Variants in RPS15 observed in about 807,000 individuals in gnomAD.
RPS15 encodes the protein ribosomal protein S15, also known as small ribosomal subunit protein uS19.
A neutral mutation model predicts 14.9 loss-of-function variants in RPS15; 5 were observed. That is an observed-to-expected ratio of 0.34 (90% CI 0.18 to 0.70). The LOEUF is 0.70. Among genes scored for constraint, RPS15 ranks in the 30% least tolerant of loss-of-function variants. The pLI is 0.65. For synonymous variants in RPS15, 103 were observed against 85.0 expected, an observed-to-expected ratio of 1.21 and a Z score of -1.16; for missense variants, 102 against 204.2, an observed-to-expected ratio of 0.50 and a Z score of 3.05.
chr19:1,439,135 C>A (rs2144988670), intron 2 of RPS15: 4 of 519,656 alleles, frequency 7.7e-6, no homozygotes, highest in South Asian at 7.3e-5. Context: ...AGGTGTAGCC[C>A]CTGTCTGTAG....
In RPS15 at chr19:1,438,515, C is replaced by T. The variant is rs2083626200; in HGVS notation, c.3+87C>T. The stretch of plus-strand genomic sequence containing the variant: ...GTCTCGCGGGGGCCGCAGTTCGTCC[C>T]CGCGGCTACGGCGGCTTGCTCCCGA... On this transcript the variant is annotated intron_variant, in intron 1 of 3. Coordinates refer to ENST00000592588, the MANE Select transcript of RPS15 (RefSeq NM_001018.5). This position sits in a 1 kb window ranked among gnomAD's most constrained non-coding sequence, Gnocchi z 4.8. 2 of 1,608,050 alleles carry T rather than the reference C, an allele frequency of 1.2e-6. No individual in the cohort carries two copies. Among genetic ancestry groups the T allele is most frequent in the African/African-American group, 1.3e-5 (1 of 74,856 alleles).
chr19:1,440,108 T>A lies in RPS15; in HGVS notation c.179T>A (p.Leu60Gln), dbSNP rs2083641757. 6.3e-7 allele frequency: 1 copy of A among 1,596,850 alleles called. No homozygotes were observed. Among genetic ancestry groups the A allele is most frequent in the Admixed American group, 1.8e-5 (1 of 56,274 alleles). The change falls in exon 3 of 4, where the codon CTG becomes CAG. Residue 60 changes from leucine to glutamine, a missense_variant. Leu to Gln is a moderately radical substitution (Grantham distance 113). Transcript: ENST00000592588. ...AAGCAGCACTCCCTGCTGAAGCGCC[T>A]GCGCAAGGCCAAGAAGGAGGCGCCG... Reference protein sequence around the residue: ...RRKQHSLLKRLRKAKKEAPPM... With the variant: ...RRKQHSLLKRQRKAKKEAPPM...
rs779182460 is a variant in RPS15, at chr19:1,438,420, G to A, written c.-6G>A. Reference sequence around the variant, plus strand: ...CCAAAGCGATCTCTTCTGAGGATCCGGCAAGATGGTGAGTGTTGCGATTTG... The same window carrying A: ...CCAAAGCGATCTCTTCTGAGGATCCAGCAAGATGGTGAGTGTTGCGATTTG... On this transcript the variant is annotated 5_prime_UTR_variant, in exon 1 of 4. Transcript: ENST00000592588. This position sits in a 1 kb window ranked among gnomAD's most constrained non-coding sequence, Gnocchi z 4.8. The A allele has an allele frequency of 6.2e-7, 1 of 1,613,468 alleles. No homozygotes were observed. Among genetic ancestry groups the A allele is most frequent in the Non-Finnish European group, 8.5e-7 (1 of 1,179,898 alleles).
chr19:1,439,309 C>T (rs752740518), intron 2 of RPS15: 20 of 188,112 alleles, frequency 1.1e-4, no homozygotes, highest in Non-Finnish European at 7.7e-5. Context: ...GTCGCCCAGG[C>T]TGGAGTGCAA....
intron 2 of RPS15, chr19:1,439,582 A>T (rs2083636554): frequency 5.5e-6 from 2 of 365,808 alleles, no homozygotes; most frequent in Non-Finnish European, 1.0e-5. Flanking sequence ...ATTTGTGGAA[A>T]CAGCGTTTCT....
intron 2 of RPS15, chr19:1,439,242 T>G (rs1433631116): frequency 7.0e-6 from 2 of 286,050 alleles, no homozygotes; most frequent in Non-Finnish European, 1.3e-5. Context: ...GTGGTGGGCA[T>G]CTGGCTTGCG....
At position 1,440,387 on chromosome 19, in the gene RPS15, C is replaced by A; in HGVS notation, c.363C>A (p.Ile121=). 1 of 1,614,038 alleles carries A rather than the reference C, an allele frequency of 6.2e-7. No homozygotes were observed. Among genetic ancestry groups the A allele is most frequent in the South Asian group, 1.1e-5 (1 of 91,086 alleles). ...GCCACTACCTGGGCGAGTTCTCCAT[C>A]ACCTACAAGCCCGTAAAGCATGGCC... The part of the protein sequence containing the change: ...MIGHYLGEFS[I]TYKPVKHGRP... The change falls in exon 4 of 4, where the codon ATC becomes ATA. Residue 121 remains isoleucine, a synonymous_variant. Coordinates refer to ENST00000592588, the MANE Select transcript of RPS15 (RefSeq NM_001018.5).
At chr19:1,439,724 G>C (rs1282120892) in intron 2 of RPS15, 3 of 594,442 alleles carry the variant, frequency 5.0e-6, no homozygotes, top group Non-Finnish European at 9.0e-6. Flanking sequence ...AGAGGCCTTT[G>C]GCCCGAGCTG....
intron 2 of RPS15, 183 bp downstream of exon 2, chr19:1,439,075 C>T (rs78277163): frequency 1.4e-5 from 8 of 573,156 alleles, no homozygotes; most frequent in African/African-American, 4.0e-5. Context: ...GAGGTTTTTG[C>T]TTATTTGCAA....
Position 1,438,418 on chromosome 19 carries a change from C to G in RPS15, c.-8C>G, listed in dbSNP as rs1390753435. ...GACCAAAGCGATCTCTTCTGAGGAT[C>G]CGGCAAGATGGTGAGTGTTGCGATT... On this transcript the variant is annotated 5_prime_UTR_variant, in exon 1 of 4. In the 5' UTR this introduces an upstream ATG that the reference lacks. Coordinates refer to ENST00000592588, the MANE Select transcript of RPS15 (RefSeq NM_001018.5). The surrounding 1 kb of genome is among the most constrained non-coding windows in gnomAD (Gnocchi z 4.8). 1.2e-6 allele frequency: 2 copies of G among 1,613,464 alleles called. No homozygotes were observed.
At position 1,440,183 on chromosome 19, in the gene RPS15, T is replaced by C. The variant is rs1336626289; in HGVS notation, c.254T>C (p.Ile85Thr). ...AAGACGCACCTGCGGGACATGATCATCCTACCCGAGATGGTGGGCAGCATG... is the reference window on the plus strand; with the variant it reads ...AAGACGCACCTGCGGGACATGATCACCCTACCCGAGATGGTGGGCAGCATG... ...VVKTHLRDMI[I>T]LPEMVGSMVG... Residue 85 changes from isoleucine (I) to threonine (T), a missense_variant, in exon 3 of 4, where the codon ATC becomes ACC. Physicochemically the swap from Ile to Thr is moderately conservative, Grantham distance 89. Transcript: ENST00000592588. 6.2e-7 allele frequency: 1 copy of C among 1,612,806 alleles called. No homozygotes were observed. The highest frequency in any genetic ancestry group is 8.5e-7 in the Non-Finnish European group (1 of 1,179,698).
chr19:1,440,059 C>G lies in RPS15; in HGVS notation c.130C>G (p.Arg44Gly), dbSNP rs1461088497. ...MQLYSARQRR[R>G]LNRGLRRKQH... ...GCTGTACAGTGCGCGCCAGCGGCGG[C>G]GGCTGAACCGGGGCCTGCGGCGGAA... The change falls in exon 3 of 4, where the codon CGG becomes GGG. Residue 44 changes from arginine (R) to glycine (G), a missense_variant. Coordinates refer to ENST00000592588, the MANE Select transcript of RPS15 (RefSeq NM_001018.5). The G allele has an allele frequency of 1.3e-6, 2 of 1,561,146 alleles. No individual in the cohort carries two copies. Among genetic ancestry groups the G allele is most frequent in the South Asian group, 1.2e-5 (1 of 84,854 alleles).
At position 1,438,973 on chromosome 19, in the gene RPS15, C is replaced by T; in HGVS notation, c.89+81C>T. On this transcript the variant is annotated intron_variant, in intron 2 of 3. Transcript: ENST00000592588. The surrounding 1 kb of genome is among the most constrained non-coding windows in gnomAD (Gnocchi z 4.8). ...CGGGTGAGGGCGGCGGGGCGGGGGT[C>T]CAAGCGCCTCTGCGGCGGTGGGCGG... 1 of 1,216,616 alleles carries T rather than the reference C, an allele frequency of 8.2e-7. No homozygotes were observed. The highest frequency in any genetic ancestry group is 1.2e-6 in the Non-Finnish European group (1 of 857,880). The allele number at this position is 1,216,616 out of a possible 1,614,324, so 75.4% of individuals were successfully genotyped here. A position where few individuals can be genotyped will look rare whatever the true frequency, so the allele number is the denominator to read the frequency against.
chr19:1,439,788 G>C (rs1461056907), intron 2 of RPS15: 3 of 623,524 alleles, frequency 4.8e-6, no homozygotes, highest in African/African-American at 1.8e-5. Flanking sequence ...TGTTCTCTCT[G>C]AATCTCTGCA....
At chr19:1,439,650 C>T in intron 2 of RPS15, 1 of 544,500 alleles carries the variant, frequency 1.8e-6, no homozygotes, top group South Asian at 2.4e-5. Context: ...CCGCCTCAAC[C>T]TCCCGAAGTG....
chr19:1,439,089 G>A lies in RPS15; in HGVS notation c.89+197G>A. 4 of 556,128 alleles carry A rather than the reference G, an allele frequency of 7.2e-6. No homozygotes were observed. The South Asian group carries it at 8.8e-5, about 12-fold the overall frequency. The allele number at this position is 556,128 out of a possible 1,614,324, so 34.4% of individuals were successfully genotyped here. ...TGAGGTTTTTGCTTATTTGCAACCT[G>A]CCCCCCGTTGTTCACTTTTCCGCGG... On this transcript the variant is annotated intron_variant, in intron 2 of 3. Transcript: ENST00000592588.
Position 1,438,569 on chromosome 19 carries a change from G to C in RPS15, c.3+141G>C. 6.4e-7 allele frequency: 1 copy of C among 1,564,600 alleles called. No individual in the cohort carries two copies. Among genetic ancestry groups the C allele is most frequent in the Non-Finnish European group, 8.7e-7 (1 of 1,154,226 alleles). ...TGCAGGCGGCTGGATGTTGGGGCGA[G>C]GGGCGGACTTGGTGGGTGTCGGGAC... On this transcript the variant is annotated intron_variant, in intron 1 of 3. Coordinates refer to ENST00000592588, the MANE Select transcript of RPS15 (RefSeq NM_001018.5). The surrounding 1 kb of genome is among the most constrained non-coding windows in gnomAD (Gnocchi z 4.8).
intron 2 of RPS15, chr19:1,439,281 G>C (rs1242959478): frequency 9.8e-6 from 2 of 203,754 alleles, no homozygotes; most frequent in Non-Finnish European, 2.0e-5. Context: ...TGATTATTTT[G>C]AGGCGGAGTC....
chr19:1,438,407 C>A lies in RPS15; in HGVS notation c.-19C>A. ...GCGCAGGCGCGGACCAAAGCGATCT[C>A]TTCTGAGGATCCGGCAAGATGGTGA... On this transcript the variant is annotated 5_prime_UTR_variant, in exon 1 of 4. Coordinates refer to ENST00000592588, the MANE Select transcript of RPS15 (RefSeq NM_001018.5). This position sits in a 1 kb window ranked among gnomAD's most constrained non-coding sequence, Gnocchi z 4.8. 3 of 1,613,428 alleles carry A rather than the reference C, an allele frequency of 1.9e-6. No homozygotes were observed. Among genetic ancestry groups the A allele is most frequent in the African/African-American group, 1.3e-5 (1 of 75,058 alleles).
Sources: gnomAD v4.1 joint callset for allele counts on GRCh38, gnomAD v4.1.1 for gene constraint, Gnocchi (gnomAD v3.1) non-coding constraint, MANE v1.5 for transcripts, NCBI Gene and HGNC (gene_info 2026-07-23, HGNC 2026-07-21) for gene names.